Variants in PLAUR observed in about 807,000 individuals in gnomAD.
The protein encoded by PLAUR is plasminogen activator, urokinase receptor.
A neutral mutation model predicts 33.4 loss-of-function variants in PLAUR; 22 were observed. The ratio of observed to expected loss-of-function variants is 0.66; its 90% CI spans 0.47 to 0.94. The LOEUF is 0.94. PLAUR is among the 40% of genes least tolerant of loss of function. PLAUR has a pLI of 0.00. For synonymous variants in PLAUR, 148 were observed against 167.3 expected (o/e 0.88, Z 0.89); for missense variants, 408 against 434.7 (o/e 0.94, Z 0.55).
chr19:43,669,214 A>G (rs899160527), intron 1 of PLAUR, among the ~76,000 whole-genome samples: 6 of 152,180 alleles, frequency 3.9e-5, no homozygotes, highest in Non-Finnish European at 7.3e-5. Flanking sequence ...TGAGAGGGAA[A>G]GGTCCTGAGG....
chr19:43,651,299 A>C (rs1178677084), intron 6 of PLAUR, among the ~76,000 whole-genome samples: 2 of 151,012 alleles, frequency 1.3e-5, no homozygotes, highest in Admixed American at 6.6e-5. Flanking sequence ...CTGGTCTTGA[A>C]CTCCCGACCT....
chr19:43,667,476 T>C (rs1320062012), intron 2 of PLAUR, 105 bp downstream of exon 2: 1 of 766,370 alleles, frequency 1.3e-6, no homozygotes, highest in African/African-American at 1.7e-5. Context: ...TCTCCTTGTT[T>C]GTTTGTTTTT....
intron 1 of PLAUR, chr19:43,668,098 C>T: frequency 9.8e-7 from 1 of 1,018,600 alleles, no homozygotes; most frequent in East Asian, 9.9e-5. Flanking sequence ...ACGTTCTAGC[C>T]TTGCCCCACC....
intron 3 of PLAUR, among the ~76,000 whole-genome samples, chr19:43,663,797 C>CA (rs370189339): frequency 0.052 from 3,267 of 62,444 alleles, 42 homozygotes; most frequent in Non-Finnish European, 0.08. Context: ...AACAAACAAA[C>CA]AAAAAAAAAA....
At chr19:43,660,167 T>TTGTTC (rs765444881) in intron 3 of PLAUR, among the ~76,000 whole-genome samples, 4,925 of 151,562 alleles carry the variant, frequency 0.032, 300 homozygotes, top group African/African-American at 0.11. Flanking sequence ...TTGTTTTGTT[T>TTGTTC]TGTTTTGTTT....
chr19:43,647,938 C>CTTT (rs564922094), downstream of PLAUR, among the ~76,000 whole-genome samples: 8,956 of 133,094 alleles, frequency 0.067, 535 homozygotes, highest in African/African-American at 0.15. Flanking sequence ...TTAGAGAGCC[C>CTTT]TTTTTTTTTT....
At chr19:43,655,114 T>G (rs1292839015) in intron 5 of PLAUR, among the ~76,000 whole-genome samples, 2 of 151,614 alleles carry the variant, frequency 1.3e-5, no homozygotes, top group African/African-American at 2.4e-5. Context: ...CCATCTCTAC[T>G]AAAAATAGAA....
chr19:43,667,696 G>C lies in PLAUR; in HGVS notation c.56-5C>G, dbSNP rs201323349. 5.6e-6 allele frequency: 9 copies of C among 1,613,488 alleles called. No homozygotes were observed. Among genetic ancestry groups the C allele is most frequent in the Non-Finnish European group, 7.6e-6 (9 of 1,179,802 alleles). ...TGCACCGCAGGCCCCAAGAGGCTGGGGGAAGGAGGGAGAGGAGAGGAGAGG... is the reference window on the plus strand; with the variant it reads ...TGCACCGCAGGCCCCAAGAGGCTGGCGGAAGGAGGGAGAGGAGAGGAGAGG... On this transcript the variant is annotated splice_polypyrimidine_tract_variant and splice_region_variant and intron_variant, in intron 1 of 6. Coordinates refer to ENST00000340093, the MANE Select transcript of PLAUR (RefSeq NM_002659.4).
At chr19:43,657,031 C>T (rs1376875116) in intron 3 of PLAUR, among the ~76,000 whole-genome samples, 1 of 151,800 alleles carries the variant, frequency 6.6e-6, no homozygotes, top group Non-Finnish European at 1.5e-5. Context: ...GCAACCTCCA[C>T]TCCCCGGGTT....
chr19:43,652,497 G>A lies in PLAUR; in HGVS notation c.608-126C>T, dbSNP rs563302269. On this transcript the variant is annotated intron_variant, in intron 5 of 6. Transcript: ENST00000340093. ...TCATGGAGCCACCTTGTGGTCAGGCGTCTGAATGGCATTTGGAGGGGGATG... is the reference window on the plus strand; with the variant it reads ...TCATGGAGCCACCTTGTGGTCAGGCATCTGAATGGCATTTGGAGGGGGATG... 51 of 888,536 alleles carry A rather than the reference G, an allele frequency of 5.7e-5. 1 individual carries two copies. The highest frequency in any genetic ancestry group is 4.2e-4 in the East Asian group (17 of 40,484). The allele number at this position is 888,536 out of a possible 1,614,324, so 55.0% of individuals were successfully genotyped here. A position where few individuals can be genotyped will look rare whatever the true frequency, so the allele number is the denominator to read the frequency against.
chr19:43,649,210 T>A lies in PLAUR; in HGVS notation c.755-67A>T, dbSNP rs1255398573. 3 of 1,555,350 alleles carry A rather than the reference T, an allele frequency of 1.9e-6. No homozygotes were observed. In the South Asian group the frequency reaches 3.5e-5, roughly 18 times the overall value. On this transcript the variant is annotated intron_variant, in intron 6 of 6. Transcript: ENST00000340093. Reference sequence around the variant, plus strand: ...CCCAGGACTGGAATTCTCCAGTAGGTGACCTGCCACCTTGCAGTGGGTGCC... The same window carrying A: ...CCCAGGACTGGAATTCTCCAGTAGGAGACCTGCCACCTTGCAGTGGGTGCC...
chr19:43,647,354 C>T (rs916891304), downstream of PLAUR, among the ~76,000 whole-genome samples: 4 of 152,132 alleles, frequency 2.6e-5, no homozygotes, highest in African/African-American at 9.7e-5. Context: ...GAGTTCTGGC[C>T]ATCAGGTTAT....
chr19:43,668,271 A>AG (rs2146293723), intron 1 of PLAUR: 1 of 986,598 alleles, frequency 1.0e-6, no homozygotes, highest in East Asian at 1.1e-4. Flanking sequence ...TTCTATTGTT[A>AG]GATACTCTAG....
downstream of PLAUR, chr19:43,646,374 G>C (rs991706836): frequency 2.9e-6 from 2 of 696,942 alleles, no homozygotes; most frequent in African/African-American, 3.6e-5. Flanking sequence ...GGGGCTACAT[G>C]TCCAAGGTGG....
intron 5 of PLAUR, among the ~76,000 whole-genome samples, chr19:43,654,519 A>C (rs1296723833): frequency 6.6e-6 from 1 of 151,808 alleles, no homozygotes; most frequent in African/African-American, 2.4e-5. Context: ...TTGGGAGGCC[A>C]AGCCCAGGAG....
Position 43,665,224 on chromosome 19 carries a change from G to T in PLAUR, c.310+92C>A. The T allele has an allele frequency of 5.2e-6, 7 of 1,345,110 alleles. No individual in the cohort carries two copies. The South Asian group carries it at 8.4e-5, about 16-fold the overall frequency. The allele number at this position is 1,345,110 out of a possible 1,614,324, so 83.3% of individuals were successfully genotyped here. On this transcript the variant is annotated intron_variant, in intron 3 of 6. Transcript: ENST00000340093. ...GGATAAGGCATGGAGTTGGGGTTCA[G>T]CTGATGTAAAGTTAAGAATAGGATT... is the stretch of plus-strand genomic sequence containing the variant.
chr19:43,655,557 G>A lies in PLAUR; in HGVS notation c.489C>T (p.Asp163=). 1 of 1,614,082 alleles carries A rather than the reference G, an allele frequency of 6.2e-7. No individual in the cohort carries two copies. Among genetic ancestry groups the A allele is most frequent in the African/African-American group, 1.3e-5 (1 of 75,068 alleles). ...QEGEEGRPKD[D]RHLRGCGYLP... is the part of the protein sequence containing the mutation. ...GGTAGCCACAGCCACGGAGGTGGCG[G>A]TCATCCTTTGGACGCCCTATGGGGG... The change falls in exon 5 of 7, where the codon GAC becomes GAT. Residue 163 remains aspartate (D), a synonymous_variant. Coordinates refer to ENST00000340093, the MANE Select transcript of PLAUR (RefSeq NM_002659.4).
chr19:43,648,002 G>C (rs1024178099), downstream of PLAUR, among the ~76,000 whole-genome samples: 2 of 148,742 alleles, frequency 1.3e-5, no homozygotes, highest in Middle Eastern at 3.3e-3. Flanking sequence ...TGCTTATCTA[G>C]GTTCGGAATG....
intron 3 of PLAUR, among the ~76,000 whole-genome samples, chr19:43,659,008 C>T (rs149077573): frequency 6.6e-5 from 10 of 152,144 alleles, no homozygotes; most frequent in African/African-American, 2.4e-4. Flanking sequence ...CCCTCCCTGA[C>T]CCATCAGCCT....
Sources: gnomAD v4.1 joint callset for allele counts (sites outside exome capture counted in the v4.1 genomes callset) on GRCh38, gnomAD v4.1.1 for gene constraint, MANE v1.5 for transcripts, NCBI Gene and HGNC (gene_info 2026-07-23, HGNC 2026-07-21) for gene names.